POLR1A: variants seen among roughly 807,000 people sequenced by gnomAD.
POLR1A encodes RNA polymerase I subunit A.
In POLR1A, 84 loss-of-function variants were observed where a neutral mutation model predicts 205.3. The ratio of observed to expected loss-of-function variants is 0.41; its 90% CI spans 0.34 to 0.49. The LOEUF (loss-of-function observed/expected upper bound fraction) is 0.49. Among genes scored for constraint, POLR1A ranks in the 20% least tolerant of loss-of-function variants. POLR1A has a pLI of 0.22. For missense variants in POLR1A, 1,645 were observed against 2,204.5 expected, an observed-to-expected ratio of 0.75 and a Z score of 5.08; for synonymous variants, 799 against 863.7, an observed-to-expected ratio of 0.93 and a Z score of 1.31.
rs781143755 is a variant in POLR1A at position 86,027,928 on chromosome 2, T to C, written c.5019A>G (p.Thr1673=). The C allele has an allele frequency of 1.9e-6, 3 of 1,614,220 alleles. No individual in the cohort carries two copies. The highest frequency in any genetic ancestry group is 2.5e-6 in the Non-Finnish European group (3 of 1,180,040). The change falls in exon 33 of 34, where the codon ACA becomes ACG. Residue 1673 remains threonine, a synonymous_variant. Transcript: ENST00000263857. The part of the protein sequence containing the change: ...RSNSSPLQQM[T]FETSFQFLKQ... ...TCAGAAACTGGAAGCTGGTTTCAAA[T>C]GTCATCTGCTGTAGCGGGGAAGAGT... is the stretch of plus-strand genomic sequence containing the variant.
chr2:86,069,927 G>A (rs939564770), intron 13 of POLR1A, 91 bp downstream of exon 13: 6 of 1,418,356 alleles, frequency 4.2e-6, no homozygotes, highest in Non-Finnish European at 5.7e-6. Context: ...TCCTGGAGCT[G>A]CCCAATGACC....
chr2:86,105,676 C>A (rs755808557), intron 1 of POLR1A, 24 bp downstream of exon 1: 2 of 1,545,152 alleles, frequency 1.3e-6, no homozygotes, highest in South Asian at 1.1e-5. Context: ...CCAGGCTGGG[C>A]ACGCTACCCG....
At chr2:86,051,397 A>G (rs1672800196) in intron 16 of POLR1A, among the ~76,000 whole-genome samples, 1 of 151,996 alleles carries the variant, frequency 6.6e-6, no homozygotes, top group Admixed American at 6.6e-5. Flanking sequence ...ATGATTAAAT[A>G]TATGATACAA....
intron 14 of POLR1A, among the ~76,000 whole-genome samples, chr2:86,063,954 G>T (rs1322937132): frequency 6.6e-6 from 1 of 152,112 alleles, no homozygotes; most frequent in Non-Finnish European, 1.5e-5. Flanking sequence ...TGACCCATGA[G>T]CTATTTAAGA....
At chr2:86,090,223 G>C (rs1189073638) in intron 3 of POLR1A, among the ~76,000 whole-genome samples, 4 of 151,910 alleles carry the variant, frequency 2.6e-5, no homozygotes, top group Non-Finnish European at 5.9e-5. Flanking sequence ...GTGAAATCCT[G>C]TCTCTACCAA....
chr2:86,091,631 G>C (rs1673610030), intron 3 of POLR1A, among the ~76,000 whole-genome samples: 1 of 152,288 alleles, frequency 6.6e-6, no homozygotes, highest in South Asian at 2.1e-4. Flanking sequence ...AGGTATAATA[G>C]TAGGCACCAT....
rs746010333 is a variant in POLR1A, at chr2:86,047,210, C to T, written c.2688G>A (p.Met896Ile). The T allele has an allele frequency of 3.7e-6, 6 of 1,614,186 alleles. No homozygotes were observed. The highest frequency in any genetic ancestry group is 1.6e-4 in the Middle Eastern group (1 of 6,062). The part of the protein sequence containing the change: ...HRQFPENSLQ[M>I]MVQSGAKGST... Reference sequence around the variant, plus strand: ...AACCTTTGGCTCCCGACTGCACCATCATCTGCAGGCTGTTCTCTGGGAACT... The same window carrying T: ...AACCTTTGGCTCCCGACTGCACCATTATCTGCAGGCTGTTCTCTGGGAACT... The change falls in exon 19 of 34, where the codon ATG becomes ATA. Residue 896 changes from methionine (M) to isoleucine (I), a missense_variant. Around this residue, in one of 16 missense-constraint regions of POLR1A, gnomAD observed 339 missense variants for 415.1 expected, o/e 0.82. Transcript: ENST00000263857.
chr2:86,047,777 C>G (rs964582032), intron 18 of POLR1A, among the ~76,000 whole-genome samples: 15 of 152,174 alleles, frequency 9.9e-5, no homozygotes, highest in African/African-American at 3.1e-4. Flanking sequence ...CATGCCCCTT[C>G]AGGGGGATCC....
chr2:86,103,724 A>G (rs1480864009), intron 1 of POLR1A, among the ~76,000 whole-genome samples: 1 of 152,240 alleles, frequency 6.6e-6, no homozygotes, highest in Non-Finnish European at 1.5e-5. Context: ...AGTGACACAT[A>G]TAAGAAGCTC....
Position 86,025,039 on chromosome 2 carries a change from A to T in POLR1A, c.*2384T>A, listed in dbSNP as rs1219643913. On this transcript the variant is annotated 3_prime_UTR_variant, in exon 34 of 34. Transcript: ENST00000263857. ...GTAATCTCAGCTACTCGGGAGGCTG[A>T]GGCAGGAGAATCGCTTGAACTCGGG... The T allele has an allele frequency of 1.3e-5, 2 of 152,214 alleles. No homozygotes were observed. The highest frequency in any genetic ancestry group is 3.8e-4 in the East Asian group (2 of 5,198). The allele number at this position is 152,214 out of a possible 1,614,324, so 9.4% of individuals were successfully genotyped here. A position where few individuals can be genotyped will look rare whatever the true frequency, so the allele number is the denominator to read the frequency against.
chr2:86,032,849 G>C lies in POLR1A; in HGVS notation c.4162-467C>G, dbSNP rs1416408200. 4.6e-5 allele frequency among the ~76,000 whole-genome samples: 7 copies of C among 152,168 alleles called. No homozygotes were observed. In the East Asian group the frequency reaches 1.3e-3, roughly 29 times the overall value. On this transcript the variant is annotated intron_variant, in intron 28 of 33. Coordinates refer to ENST00000263857, the MANE Select transcript of POLR1A (RefSeq NM_015425.6). ...TCCTTCTGGGTGAATTAAGAATCAAGACCAGGCAGCATTCTAAAGATAGTC... is the reference window on the plus strand; with the variant it reads ...TCCTTCTGGGTGAATTAAGAATCAACACCAGGCAGCATTCTAAAGATAGTC...
chr2:86,065,301 C>T lies in POLR1A; in HGVS notation c.2031G>A (p.Lys677=), dbSNP rs772937727. The change falls in exon 14 of 34, where the codon AAG becomes AAA. Residue 677 remains lysine (K), a synonymous_variant. Transcript: ENST00000263857. The stretch of plus-strand genomic sequence containing the variant: ...GTTTTCCTGTCCACAGCGGAAAGGG[C>T]TTCAGGATGGAAGGAGAAAGGAGCT... ...RVKLLSPSIL[K]PFPLWTGKQV... is the part of the protein sequence containing the mutation. 7 of 1,613,984 alleles carry T rather than the reference C, an allele frequency of 4.3e-6. No homozygotes were observed. Among genetic ancestry groups the T allele is most frequent in the Non-Finnish European group, 5.9e-6 (7 of 1,180,000 alleles).
intron 16 of POLR1A, among the ~76,000 whole-genome samples, chr2:86,051,307 A>G (rs1160033019): frequency 6.6e-6 from 1 of 151,876 alleles, no homozygotes; most frequent in Non-Finnish European, 1.5e-5. Flanking sequence ...TCAAATTACT[A>G]TTAGTGGTTA....
In POLR1A at chr2:86,044,321, G is replaced by A. The variant is rs1230873670; in HGVS notation, c.2970-17C>T. The A allele has an allele frequency of 5.6e-6, 9 of 1,613,870 alleles. No homozygotes were observed. The East Asian group carries it at 1.3e-4, about 24-fold the overall frequency. On this transcript the variant is annotated splice_polypyrimidine_tract_variant and intron_variant, in intron 21 of 33. Coordinates refer to ENST00000263857, the MANE Select transcript of POLR1A (RefSeq NM_015425.6). ...ATGATGCACCTGTAAGGACACCATC[G>A]GCTCAGTCCCCGCCGGCCCATCACC...
intron 24 of POLR1A, among the ~76,000 whole-genome samples, chr2:86,041,067 C>G (rs7557349): frequency 6.6e-6 from 1 of 151,966 alleles, no homozygotes; most frequent in African/African-American, 2.4e-5. Flanking sequence ...GTATTCATGC[C>G]GCACGATTCT....
chr2:86,083,210 C>G, intron 6 of POLR1A, 42 bp from the exon 7 acceptor site: 6 of 1,337,198 alleles, frequency 4.5e-6, no homozygotes, highest in Non-Finnish European at 5.4e-6. Flanking sequence ...AAATCAGAAA[C>G]AGGTACTCTT....
chr2:86,061,083 T>A (rs1037223828), intron 14 of POLR1A, among the ~76,000 whole-genome samples: 4 of 152,086 alleles, frequency 2.6e-5, no homozygotes, highest in Non-Finnish European at 5.9e-5. Context: ...GACATGATAA[T>A]TAAAACAGTA....
intron 9 of POLR1A, among the ~76,000 whole-genome samples, chr2:86,079,697 G>A (rs915454774): frequency 6.6e-6 from 1 of 152,048 alleles, no homozygotes; most frequent in African/African-American, 2.4e-5. Flanking sequence ...TGAGTAGCTG[G>A]CACCATAGGC....
rs879347340 is a variant in POLR1A, at chr2:86,081,624, A to C, written c.900T>G (p.Asp300Glu). The part of the protein sequence containing the change: ...SRFNPSVFFL[D>E]FLVVPPSRYR... The stretch of plus-strand genomic sequence containing the variant: ...ACCTTGAGGGCGGCACCACCAAGAA[A>C]TCTAGAAAGAACACACTGGGATTGA... Residue 300 changes from aspartate (D) to glutamate (E), a missense_variant, in exon 8 of 34, where the codon GAT becomes GAG. Around this residue, in one of 16 missense-constraint regions of POLR1A, gnomAD observed 330 missense variants for 375.6 expected, o/e 0.88. Coordinates refer to ENST00000263857, the MANE Select transcript of POLR1A (RefSeq NM_015425.6). 9.3e-6 allele frequency: 15 copies of C among 1,606,714 alleles called. No individual in the cohort carries two copies. Among genetic ancestry groups the C allele is most frequent in the Non-Finnish European group, 1.3e-5 (15 of 1,176,758 alleles).
Sources: gnomAD v4.1 joint callset for allele counts (sites outside exome capture counted in the v4.1 genomes callset) on GRCh38, gnomAD v4.1.1 for gene constraint, gnomAD v4.1.1 regional missense constraint, MANE v1.5 for transcripts, NCBI Gene and HGNC (gene_info 2026-07-23, HGNC 2026-07-21) for gene names.